NEMF: variants seen among roughly 807,000 people sequenced by gnomAD.
NEMF encodes the protein nuclear export mediator factor.
NEMF carries 89 observed loss-of-function variants against 162.2 expected under a neutral mutation model. The observed-to-expected ratio is 0.55, with a 90% CI of 0.46 to 0.65. The LOEUF is 0.65. NEMF is among the 30% of genes least tolerant of loss of function. NEMF has a pLI of 0.00. For missense variants in NEMF, 1,133 were observed against 1,261.9 expected (o/e 0.90, Z 1.55); for synonymous variants, 421 against 404.5 (o/e 1.04, Z -0.49).
chr14:49,814,979 G>A, intron 16 of NEMF, 122 bp from the exon 17 acceptor site: 2 of 606,714 alleles, frequency 3.3e-6, no homozygotes, highest in Non-Finnish European at 5.7e-6. Context: ...TTTTTTTAAG[G>A]CATCAAGCTT....
intron 16 of NEMF, among the ~76,000 whole-genome samples, chr14:49,818,893 C>T (rs115722870): frequency 0.017 from 2,651 of 152,216 alleles, 74 homozygotes; most frequent in African/African-American, 0.06. Flanking sequence ...GAGGATTCTA[C>T]ACAAAATGGC....
intron 16 of NEMF, among the ~76,000 whole-genome samples, chr14:49,822,442 G>C (rs1413073739): frequency 6.6e-6 from 1 of 151,388 alleles, no homozygotes; most frequent in Non-Finnish European, 1.5e-5. Context: ...AATCCCTTGA[G>C]CCTGGGAGGT....
rs188301040 is a variant in NEMF, at chr14:49,836,637, C to T, written c.574+1502G>A. ...CTTCAGCCTGGGCAACAGAGCGAGA[C>T]CCTTGGGAAATGCAGAAGATCTTTT... On this transcript the variant is annotated intron_variant, in intron 6 of 32. Transcript: ENST00000298310. 2.0e-3 allele frequency among the ~76,000 whole-genome samples: 300 copies of T among 151,970 alleles called. 2 individuals carry two copies. The highest frequency in any genetic ancestry group is 6.9e-3 in the African/African-American group (286 of 41,434).
Position 49,840,698 on chromosome 14 carries a change from T to C in NEMF, c.506+20A>G, listed in dbSNP as rs768113834. ...CATTTTAATACAATACGAAATGGGT[T>C]TAAAAACAAAACACTTTACCTTTCC... On this transcript the variant is annotated intron_variant, in intron 5 of 32. Coordinates refer to ENST00000298310, the MANE Select transcript of NEMF (RefSeq NM_004713.6). The C allele has an allele frequency of 6.2e-7, 1 of 1,602,464 alleles. No individual in the cohort carries two copies. The highest frequency in any genetic ancestry group is 2.2e-5 in the East Asian group (1 of 44,712).
At chr14:49,809,839 C>A (rs559352867) in intron 18 of NEMF, among the ~76,000 whole-genome samples, 1 of 151,664 alleles carries the variant, frequency 6.6e-6, no homozygotes. Context: ...CCAGGCTGGG[C>A]AACAGAGCGA....
At chr14:49,845,118 A>G (rs1893432728) in intron 4 of NEMF, among the ~76,000 whole-genome samples, 1 of 147,946 alleles carries the variant, frequency 6.8e-6, no homozygotes, top group Admixed American at 6.8e-5. Context: ...TTTGAGACAA[A>G]GTCTTGCTCC....
chr14:49,823,216 A>C (rs748028520), intron 16 of NEMF, among the ~76,000 whole-genome samples: 32 of 152,164 alleles, frequency 2.1e-4, no homozygotes, highest in African/African-American at 7.7e-4. Context: ...CTAGGATTAC[A>C]TGGGTGAGCA....
intron 16 of NEMF, among the ~76,000 whole-genome samples, chr14:49,819,112 A>G (rs1891865223): frequency 6.6e-6 from 1 of 152,162 alleles, no homozygotes; most frequent in African/African-American, 2.4e-5. Context: ...TCTGTCTCCA[A>G]AAGAAAAAAA....
intron 16 of NEMF, chr14:49,820,604 C>CA: frequency 2.4e-6 from 1 of 415,698 alleles, no homozygotes; most frequent in Non-Finnish European, 4.8e-6. Flanking sequence ...TCCATCTCTA[C>CA]AAAAAGTACA....
At chr14:49,824,038 C>T (rs1182282897) in intron 16 of NEMF, among the ~76,000 whole-genome samples, 1 of 151,964 alleles carries the variant, frequency 6.6e-6, no homozygotes, top group South Asian at 2.1e-4. Flanking sequence ...GGCATGGTGG[C>T]GTGCACCTGT....
chr14:49,809,124 C>G (rs1891353255), intron 18 of NEMF, among the ~76,000 whole-genome samples: 1 of 152,172 alleles, frequency 6.6e-6, no homozygotes, highest in Admixed American at 6.5e-5. Context: ...CTGGTGGTTT[C>G]TTACAAAACT....
chr14:49,807,977 C>T (rs1024688159), intron 18 of NEMF, among the ~76,000 whole-genome samples: 3 of 152,022 alleles, frequency 2.0e-5, no homozygotes, highest in African/African-American at 7.3e-5. Context: ...GATTGTTGGC[C>T]ATTCACGTAT....
chr14:49,826,679 C>G (rs958949484), intron 15 of NEMF, among the ~76,000 whole-genome samples: 3 of 152,104 alleles, frequency 2.0e-5, no homozygotes, highest in Non-Finnish European at 4.4e-5. Flanking sequence ...AGTGCCTACT[C>G]TGTGCCAGGC....
intron 16 of NEMF, among the ~76,000 whole-genome samples, chr14:49,824,863 G>A (rs1444672000): frequency 6.6e-6 from 1 of 152,154 alleles, no homozygotes; most frequent in Non-Finnish European, 1.5e-5. Context: ...CCAGAAAAGA[G>A]TTTCCAAAAC....
At position 49,844,764 on chromosome 14, in the gene NEMF, C is replaced by CACAT. The variant is rs144835038; in HGVS notation, c.357+1375_357+1376insATGT. Reference sequence around the variant, plus strand: ...ACACACACACACACACACACACACACATATATTTTTTTTTTCCTTTTTGAG... The same window carrying CACAT: ...ACACACACACACACACACACACACACACATATATATTTTTTTTTTCCTTTTTGAG... On this transcript the variant is annotated intron_variant, in intron 4 of 32. Coordinates refer to ENST00000298310, the MANE Select transcript of NEMF (RefSeq NM_004713.6). The CACAT allele has an allele frequency of 2.6e-4, 86 of 329,170 alleles. 2 individuals carry two copies. Among genetic ancestry groups the CACAT allele is most frequent in the Middle Eastern group, 2.1e-3 (2 of 948 alleles). The allele number at this position is 329,170 out of a possible 1,614,324, so 20.4% of individuals were successfully genotyped here.
intron 11 of NEMF, 117 bp from the exon 12 acceptor site, chr14:49,829,543 G>A: frequency 1.2e-6 from 1 of 833,342 alleles, no homozygotes; most frequent in South Asian, 1.7e-5. Flanking sequence ...CTAGCTAGCT[G>A]AAGTTCCCAT....
chr14:49,789,296 T>C lies in NEMF; in HGVS notation c.2745A>G (p.Gly915=). The change falls in exon 28 of 33, where the codon GGA becomes GGG. Residue 915 remains glycine, a synonymous_variant. Coordinates refer to ENST00000298310, the MANE Select transcript of NEMF (RefSeq NM_004713.6). The part of the protein sequence containing the change: ...KEEKGKKGKK[G]KTKDEPVKKQ... The stretch of plus-strand genomic sequence containing the variant: ...TCTTCACAGGTTCGTCCTTTGTTTT[T>C]CCTTTCTTCCCCTTCTTCCCTTTTT... 1.2e-6 allele frequency: 2 copies of C among 1,614,218 alleles called. No individual in the cohort carries two copies. The highest frequency in any genetic ancestry group is 1.7e-6 in the Non-Finnish European group (2 of 1,180,034).
At chr14:49,838,747 G>A (rs923315518) in intron 5 of NEMF, among the ~76,000 whole-genome samples, 2 of 151,900 alleles carry the variant, frequency 1.3e-5, no homozygotes, top group Non-Finnish European at 2.9e-5. Flanking sequence ...ACCACGCCCG[G>A]CTAATATTTT....
At chr14:49,844,915 C>T (rs147201840) in intron 4 of NEMF, 3,587 of 235,528 alleles carry the variant, frequency 0.015, 142 homozygotes, top group African/African-American at 0.075. Flanking sequence ...ACTACAGGCA[C>T]GCACCACCAC....
Sources: allele counts gnomAD v4.1 joint callset (sites outside exome capture counted in the v4.1 genomes callset), GRCh38; gene constraint gnomAD v4.1.1; transcripts MANE v1.5; gene names NCBI Gene and HGNC (gene_info 2026-07-23, HGNC 2026-07-21).